Variants in CLNK observed in about 807,000 individuals in gnomAD.
CLNK encodes cytokine-dependent hematopoietic cell linker.
CLNK carries 74 observed loss-of-function variants against 68.6 expected under a neutral mutation model. The observed-to-expected ratio is 1.08, with a 90% CI of 0.89 to 1.31. The LOEUF (loss-of-function observed/expected upper bound fraction) is 1.31. CLNK is among the 50% of genes most tolerant of loss of function. The pLI is 0.00. For missense variants in CLNK, 553 were observed against 515.3 expected (o/e 1.07, Z -0.71); for synonymous variants, 198 against 172.2 (o/e 1.15, Z -1.17).
intron 4 of CLNK, among the ~76,000 whole-genome samples, chr4:10,578,945 C>G (rs1352468561): frequency 6.6e-6 from 1 of 152,122 alleles, no homozygotes; most frequent in African/African-American, 2.4e-5. Flanking sequence ...TTATAAAGTG[C>G]CAGGCACAAA....
At chr4:10,558,595 C>A in intron 7 of CLNK, 143 bp from the exon 8 acceptor site, 1 of 730,404 alleles carries the variant, frequency 1.4e-6, no homozygotes, top group South Asian at 1.8e-5. Context: ...GGTTGGCTGT[C>A]AACAAACATG....
intron 3 of CLNK, among the ~76,000 whole-genome samples, chr4:10,595,212 C>G (rs1463028470): frequency 6.6e-6 from 1 of 152,188 alleles, no homozygotes; most frequent in Non-Finnish European, 1.5e-5. Context: ...AAGATATAAC[C>G]TCCCTCAGAC....
intron 1 of CLNK, among the ~76,000 whole-genome samples, chr4:10,671,426 C>T (rs1028186637): frequency 1.3e-5 from 2 of 152,036 alleles, no homozygotes; most frequent in Non-Finnish European, 2.9e-5. Flanking sequence ...GCCTTGGCAA[C>T]CCTTACCAGA....
the CLNK span, among the ~76,000 whole-genome samples, chr4:10,724,938 C>T: frequency 1.3e-5 from 2 of 152,082 alleles, no homozygotes; most frequent in African/African-American, 4.8e-5. Context: ...ATTCAAAGAC[C>T]TAAGAGGGCA....
chr4:10,644,305 A>G (rs566848931), intron 2 of CLNK, among the ~76,000 whole-genome samples: 1 of 152,340 alleles, frequency 6.6e-6, no homozygotes, highest in African/African-American at 2.4e-5. Flanking sequence ...AAGAGCAATG[A>G]CTGCTCATAT....
rs1401199565 is a variant in CLNK, at chr4:10,673,142, T to C, written c.-42-5231A>G. Among the ~76,000 whole-genome samples, 6 of 152,236 alleles carry C rather than the reference T, an allele frequency of 3.9e-5. No individual in the cohort carries two copies. In the South Asian group the frequency reaches 1.2e-3, roughly 31 times the overall value. Reference sequence around the variant, plus strand: ...CAGTGAAGAAGTAAAGTCCAGGCTCTTGCAATTGTACAGGGTAGAGTTTAC... The same window carrying C: ...CAGTGAAGAAGTAAAGTCCAGGCTCCTGCAATTGTACAGGGTAGAGTTTAC... On this transcript the variant is annotated intron_variant, in intron 1 of 18. Coordinates refer to ENST00000226951, the MANE Select transcript of CLNK (RefSeq NM_052964.4).
At chr4:10,520,365 A>G (rs1215153462) in intron 15 of CLNK, among the ~76,000 whole-genome samples, 1 of 152,214 alleles carries the variant, frequency 6.6e-6, no homozygotes, top group Non-Finnish European at 1.5e-5. Flanking sequence ...GGGAAAAATT[A>G]AAAGTTTGTC....
intron 2 of CLNK, among the ~76,000 whole-genome samples, chr4:10,623,545 A>G (rs892468198): frequency 6.6e-6 from 1 of 152,208 alleles, no homozygotes; most frequent in Non-Finnish European, 1.5e-5. Context: ...TTCCTCATCA[A>G]TATATCAGGT....
chr4:10,705,196 G>A, the CLNK span, among the ~76,000 whole-genome samples: 1 of 152,196 alleles, frequency 6.6e-6, no homozygotes, highest in African/African-American at 2.4e-5. Context: ...AAGGAATGGA[G>A]TCTGAAGGCT....
intron 11 of CLNK, among the ~76,000 whole-genome samples, chr4:10,534,058 C>T (rs144490782): frequency 2.8e-4 from 43 of 152,198 alleles, no homozygotes; most frequent in African/African-American, 9.9e-4. Flanking sequence ...GATTCTTTAA[C>T]CTATTTGACT....
At chr4:10,504,677 A>G (rs1478921985) in intron 17 of CLNK, among the ~76,000 whole-genome samples, 2 of 152,222 alleles carry the variant, frequency 1.3e-5, no homozygotes, top group Admixed American at 6.5e-5. Context: ...ATGTTCAAGC[A>G]CAGAGCACTG....
chr4:10,630,222 C>G (rs965452779), intron 2 of CLNK, among the ~76,000 whole-genome samples: 1 of 152,126 alleles, frequency 6.6e-6, no homozygotes, highest in Admixed American at 6.5e-5. Context: ...TATTCCTGAG[C>G]CTGATAATTT....
chr4:10,554,181 A>C (rs1434424741), intron 8 of CLNK, among the ~76,000 whole-genome samples: 1 of 152,218 alleles, frequency 6.6e-6, no homozygotes, highest in African/African-American at 2.4e-5. Flanking sequence ...GAACCCCTCC[A>C]TCCAGAGCAA....
chr4:10,727,224 C>T, the CLNK span, among the ~76,000 whole-genome samples: 1 of 152,192 alleles, frequency 6.6e-6, no homozygotes, highest in South Asian at 2.1e-4. Flanking sequence ...GCAAAATTCT[C>T]AGCAAAATAA....
chr4:10,603,409 C>G lies in CLNK; in HGVS notation c.12-5360G>C, dbSNP rs111350928. Among the ~76,000 whole-genome samples, 265 of 152,318 alleles carry G rather than the reference C, an allele frequency of 1.7e-3. 1 individual carries two copies. Among genetic ancestry groups the G allele is most frequent in the African/African-American group, 6.1e-3 (252 of 41,566 alleles). ...TCACAACATATTAGTCCATTTAATC[C>G]TCTTAACAATCCTATGAGACCAGTC... On this transcript the variant is annotated intron_variant, in intron 2 of 18. Coordinates refer to ENST00000226951, the MANE Select transcript of CLNK (RefSeq NM_052964.4).
chr4:10,697,929 C>G, the CLNK span, among the ~76,000 whole-genome samples: 3 of 152,218 alleles, frequency 2.0e-5, no homozygotes, highest in Non-Finnish European at 4.4e-5. Context: ...TACTAATCTT[C>G]ATCCTCTCCA....
chr4:10,712,767 A>T, the CLNK span, among the ~76,000 whole-genome samples: 1 of 152,212 alleles, frequency 6.6e-6, no homozygotes, highest in East Asian at 1.9e-4. Flanking sequence ...TCTATAGATA[A>T]CATCACTATG....
intron 16 of CLNK, among the ~76,000 whole-genome samples, chr4:10,511,989 A>G (rs1476242727): frequency 6.6e-6 from 1 of 152,206 alleles, no homozygotes; most frequent in African/African-American, 2.4e-5. Context: ...TATTAACTAA[A>G]TGTTATTATT....
intron 1 of CLNK, among the ~76,000 whole-genome samples, chr4:10,668,177 T>A (rs779203638): frequency 6.6e-6 from 1 of 152,154 alleles, no homozygotes; most frequent in African/African-American, 2.4e-5. Flanking sequence ...CTGAGCCTGG[T>A]TTTCCCTGGC....
Sources: gnomAD v4.1 joint callset for allele counts (sites outside exome capture counted in the v4.1 genomes callset) on GRCh38, gnomAD v4.1.1 for gene constraint, MANE v1.5 for transcripts, NCBI Gene and HGNC (gene_info 2026-07-23, HGNC 2026-07-21) for gene names.